Variants in PDE4D observed in about 807,000 individuals in gnomAD.
PDE4D encodes the protein phosphodiesterase 4D, also known as 3',5'-cyclic-AMP phosphodiesterase 4D.
PDE4D carries 24 observed loss-of-function variants against 87.4 expected under a neutral mutation model. The ratio of observed to expected loss-of-function variants is 0.27; its 90% CI spans 0.20 to 0.39. The LOEUF (loss-of-function observed/expected upper bound fraction) is 0.39. Ranked by LOEUF, PDE4D falls within the 10% of genes least tolerant of loss-of-function variation. The pLI is 1.00. For synonymous variants in PDE4D, 384 were observed against 383.2 expected (o/e 1.00, Z -0.02); for missense variants, 714 against 1,041.0 (o/e 0.69, Z 4.32).
intron 1 of PDE4D, among the ~76,000 whole-genome samples, chr5:60,186,575 T>C (rs762417282): frequency 6.2e-4 from 95 of 152,142 alleles, no homozygotes; most frequent in Non-Finnish European, 1.2e-3. Context: ...GGAAAGAGGA[T>C]AAAAGGCTTG....
At chr5:59,938,277 C>T (rs1561885016) in intron 3 of PDE4D, among the ~76,000 whole-genome samples, 1 of 152,094 alleles carries the variant, frequency 6.6e-6, no homozygotes, top group Non-Finnish European at 1.5e-5. Flanking sequence ...ACTAGAAGTG[C>T]CAATTAAAGG....
chr5:59,294,421 A>G (rs1046978956), intron 1 of PDE4D, among the ~76,000 whole-genome samples: 2 of 152,138 alleles, frequency 1.3e-5, no homozygotes, highest in Admixed American at 6.6e-5. Flanking sequence ...TATATTTTCC[A>G]TCTTTAAATA....
Position 59,690,673 on chromosome 5 carries a change from A to T in PDE4D, c.455+202495T>A, listed in dbSNP as rs950038377. Among the ~76,000 whole-genome samples, 4 of 152,282 alleles carry T rather than the reference A, an allele frequency of 2.6e-5. No homozygotes were observed. In the East Asian group the frequency reaches 5.8e-4, roughly 22 times the overall value. ...CATAGGCACAGGCAAGGACTTCATG[A>T]CTAAAACACCAAAAGCAATGGCAAC... On this transcript the variant is annotated intron_variant, in intron 1 of 14. Coordinates refer to ENST00000340635, the MANE Select transcript of PDE4D (RefSeq NM_001104631.2).
At chr5:59,755,613 T>C (rs1761104196) in intron 1 of PDE4D, among the ~76,000 whole-genome samples, 1 of 152,090 alleles carries the variant, frequency 6.6e-6, no homozygotes, top group Non-Finnish European at 1.5e-5. Flanking sequence ...CTGCAATTCA[T>C]ATATATTTTA....
chr5:60,211,222 T>C (rs992761873), intron 1 of PDE4D, among the ~76,000 whole-genome samples: 1 of 152,152 alleles, frequency 6.6e-6, no homozygotes, highest in African/African-American at 2.4e-5. Flanking sequence ...ACCCTCACAT[T>C]AGCTCGTAGA....
Position 59,893,633 on chromosome 5 carries a change from G to A in PDE4D, c.-11C>T. On this transcript the variant is annotated 5_prime_UTR_variant, in exon 1 of 15. Coordinates refer to ENST00000340635, the MANE Select transcript of PDE4D (RefSeq NM_001104631.2). ...GCCCTCTGCCTCCATCCTGGCTCGCGGCTCCGCGACCTGCTGCCCAGCCCG... is the reference window on the plus strand; with the variant it reads ...GCCCTCTGCCTCCATCCTGGCTCGCAGCTCCGCGACCTGCTGCCCAGCCCG... The A allele has an allele frequency of 6.8e-7, 1 of 1,481,018 alleles. No homozygotes were observed. The allele number at this position is 1,481,018 out of a possible 1,614,324, so 91.7% of individuals were successfully genotyped here.
chr5:60,230,272 G>T (rs979218410), intron 1 of PDE4D, among the ~76,000 whole-genome samples: 1 of 152,184 alleles, frequency 6.6e-6, no homozygotes, highest in East Asian at 1.9e-4. Context: ...TTTCAAATGA[G>T]TTTTTAATTA....
rs6449469 is a variant in PDE4D, at chr5:60,335,949, C to T, written c.-89-150262G>A. Among the ~76,000 whole-genome samples the T allele has an allele frequency of 3.9e-3, 587 of 152,274 alleles. 3 individuals carry two copies. The highest frequency in any genetic ancestry group is 0.012 in the African/African-American group (500 of 41,554). On this transcript the variant is annotated intron_variant, in intron 1 of 16. Coordinates refer to the PDE4D transcript ENST00000502484. The stretch of plus-strand genomic sequence containing the variant: ...ATAATTTTAAACTTGTGTCCCTTTA[C>T]TGATATTAAACTATTATCAAGCAGC...
At chr5:59,444,350 T>C (rs1239322669) in intron 1 of PDE4D, among the ~76,000 whole-genome samples, 3 of 152,104 alleles carry the variant, frequency 2.0e-5, no homozygotes, top group Admixed American at 1.3e-4. Flanking sequence ...AGGTGTAGGA[T>C]AGAGTGGGTA....
chr5:59,031,632 T>C (rs1364193028), intron 6 of PDE4D, among the ~76,000 whole-genome samples: 2 of 128,572 alleles, frequency 1.6e-5, no homozygotes, highest in Non-Finnish European at 3.1e-5. Context: ...GGCATGAACC[T>C]GGGAGGCGGA....
At chr5:59,167,161 C>T (rs772007426) in intron 5 of PDE4D, among the ~76,000 whole-genome samples, 1 of 152,116 alleles carries the variant, frequency 6.6e-6, no homozygotes, top group Admixed American at 6.6e-5. Flanking sequence ...TCTAACACAT[C>T]GGCGTGACTT....
At chr5:59,418,735 G>A (rs996887849) in intron 1 of PDE4D, among the ~76,000 whole-genome samples, 8 of 152,098 alleles carry the variant, frequency 5.3e-5, no homozygotes, top group African/African-American at 1.2e-4. Context: ...TGCAGCCTTC[G>A]CCTCCCAGGT....
rs147153344 is a variant in PDE4D at position 59,262,523 on chromosome 5, G to A, written c.456-46555C>T. 4.6e-5 allele frequency among the ~76,000 whole-genome samples: 7 copies of A among 151,694 alleles called. No individual in the cohort carries two copies. The East Asian group carries it at 7.8e-4, about 17-fold the overall frequency. On this transcript the variant is annotated intron_variant, in intron 1 of 14. Coordinates refer to ENST00000340635, the MANE Select transcript of PDE4D (RefSeq NM_001104631.2). ...AAAGCTAAAAGCTGGCTTCACAATCGGAAAAGTTCACAATACAAGAAGGTA... is the reference window on the plus strand; with the variant it reads ...AAAGCTAAAAGCTGGCTTCACAATCAGAAAAGTTCACAATACAAGAAGGTA...
chr5:60,029,650 A>C (rs1767005559), intron 2 of PDE4D, among the ~76,000 whole-genome samples: 1 of 152,266 alleles, frequency 6.6e-6, no homozygotes. Context: ...AAATTAACTA[A>C]GACTTGTCTC....
At chr5:59,550,980 G>A (rs1329528311) in intron 1 of PDE4D, among the ~76,000 whole-genome samples, 1 of 152,070 alleles carries the variant, frequency 6.6e-6, no homozygotes, top group Non-Finnish European at 1.5e-5. Context: ...ATAGGCGTGA[G>A]CCACCCCACC....
At chr5:60,007,172 AT>A (rs1764574416) in intron 2 of PDE4D, among the ~76,000 whole-genome samples, 1 of 151,960 alleles carries the variant, frequency 6.6e-6, no homozygotes, top group South Asian at 2.1e-4. Context: ...TTATAGTATG[AT>A]TTTTCAAAAC....
intron 1 of PDE4D, among the ~76,000 whole-genome samples, chr5:59,228,422 A>C (rs947457868): frequency 2.2e-5 from 3 of 134,324 alleles, no homozygotes; most frequent in African/African-American, 9.5e-5. Flanking sequence ...TAAAAGTTAA[A>C]ATATTAACAA....
At chr5:60,407,925 G>A (rs770060332) in intron 1 of PDE4D, among the ~76,000 whole-genome samples, 1 of 152,114 alleles carries the variant, frequency 6.6e-6, no homozygotes, top group Non-Finnish European at 1.5e-5. Flanking sequence ...GAAGACAGTG[G>A]AAGTGAGGCC....
chr5:60,193,700 A>G (rs1562204909), intron 1 of PDE4D, among the ~76,000 whole-genome samples: 1 of 150,436 alleles, frequency 6.6e-6, no homozygotes, highest in African/African-American at 2.4e-5. Flanking sequence ...AAAGAAAGAA[A>G]AAGAAAAAAA....
Sources: allele counts gnomAD v4.1 joint callset (sites outside exome capture counted in the v4.1 genomes callset), GRCh38; gene constraint gnomAD v4.1.1; transcripts MANE v1.5; gene names NCBI Gene and HGNC (gene_info 2026-07-23, HGNC 2026-07-21).